ECHDC1: variants seen among roughly 807,000 people sequenced by gnomAD.
ECHDC1 encodes the protein ethylmalonyl-CoA decarboxylase.
A neutral mutation model predicts 29.7 loss-of-function variants in ECHDC1; 29 were observed. The observed-to-expected ratio is 0.98, with a 90% CI of 0.73 to 1.33. The LOEUF is 1.33. Among genes scored for constraint, ECHDC1 ranks in the 40% most tolerant of loss-of-function variants. The pLI, the probability that ECHDC1 is intolerant of heterozygous loss-of-function variation, is 0.00. For missense variants in ECHDC1, 328 were observed against 350.0 expected, an observed-to-expected ratio of 0.94 and a Z score of 0.50; for synonymous variants, 126 against 123.1, an observed-to-expected ratio of 1.02 and a Z score of -0.15.
At chr6:127,329,676 C>A in intron 2 of ECHDC1, 5 of 279,926 alleles carry the variant, frequency 1.8e-5, no homozygotes, top group Non-Finnish European at 3.5e-5. Flanking sequence ...AGAAAAATAC[C>A]TCATAATTGT....
rs184699363 is a variant in ECHDC1 at position 127,321,175 on chromosome 6, C to T, written c.364-4673G>A. ...TAATTGCTAAAATTGTCATATATTT[C>T]AGTTATCTCATCATCCTCAGAAAGC... On this transcript the variant is annotated intron_variant, in intron 3 of 5. Coordinates refer to ENST00000454859, the MANE Select transcript of ECHDC1 (RefSeq NM_001002030.2). Among the ~76,000 whole-genome samples the T allele has an allele frequency of 8.0e-4, 122 of 152,234 alleles. No homozygotes were observed. In the Middle Eastern group the frequency reaches 0.017, roughly 21 times the overall value.
At chr6:127,340,566 C>A (rs1458411738) in intron 1 of ECHDC1, among the ~76,000 whole-genome samples, 1 of 152,182 alleles carries the variant, frequency 6.6e-6, no homozygotes, top group Non-Finnish European at 1.5e-5. Context: ...ATATTCAGAG[C>A]CAAACATAGC....
chr6:127,338,233 C>A (rs547170168), intron 1 of ECHDC1, among the ~76,000 whole-genome samples: 1 of 152,098 alleles, frequency 6.6e-6, no homozygotes, highest in South Asian at 2.1e-4. Flanking sequence ...TAGTGATCAC[C>A]CCATTGTTAG....
chr6:127,301,760 C>G (rs982785539), intron 5 of ECHDC1, among the ~76,000 whole-genome samples: 13 of 152,188 alleles, frequency 8.5e-5, no homozygotes, highest in African/African-American at 2.9e-4. Flanking sequence ...TGTCAAATTT[C>G]TCTGGTCAAG....
Position 127,290,057 on chromosome 6 carries a change from G to A in ECHDC1, c.718C>T (p.Gln240Ter). The change falls in exon 6 of 6, where the codon CAA becomes TAA. Residue 240 changes from glutamine (Q) to a stop codon, truncating the protein, a stop_gained. Coordinates refer to ENST00000454859, the MANE Select transcript of ECHDC1 (RefSeq NM_001002030.2). LOFTEE classifies it high-confidence loss of function. Reference sequence around the variant, plus strand: ...TGGATGAATTGCTTTAGCCATTCTTGTGCCTCTTCTAGAGATTTAGTTTCA... The same window carrying A: ...TGGATGAATTGCTTTAGCCATTCTTATGCCTCTTCTAGAGATTTAGTTTCA... ...SDETKSLEEA[Q>*]EWLKQFIQGP... The A allele has an allele frequency of 1.9e-6, 3 of 1,613,638 alleles. No homozygotes were observed. The highest frequency in any genetic ancestry group is 2.5e-6 in the Non-Finnish European group (3 of 1,179,748).
At chr6:127,290,937 C>T (rs966026410) in intron 5 of ECHDC1, among the ~76,000 whole-genome samples, 6 of 151,922 alleles carry the variant, frequency 3.9e-5, no homozygotes, top group Non-Finnish European at 8.8e-5. Flanking sequence ...GTGCTATTTT[C>T]GATGAAGAAG....
At chr6:127,310,327 C>CT (rs1396525051) in intron 5 of ECHDC1, among the ~76,000 whole-genome samples, 2 of 151,836 alleles carry the variant, frequency 1.3e-5, no homozygotes, top group African/African-American at 2.4e-5. Flanking sequence ...TATTGCATGC[C>CT]TGTAGCAAAA....
At chr6:127,302,430 G>A (rs1020637570) in intron 5 of ECHDC1, among the ~76,000 whole-genome samples, 12 of 151,022 alleles carry the variant, frequency 7.9e-5, no homozygotes, top group Admixed American at 1.3e-4. Flanking sequence ...ACAGAGTCTC[G>A]CTCTTGTTGC....
At chr6:127,336,065 A>C (rs1784401656) in intron 1 of ECHDC1, among the ~76,000 whole-genome samples, 1 of 152,118 alleles carries the variant, frequency 6.6e-6, no homozygotes, top group African/African-American at 2.4e-5. Context: ...AGTTAATTCA[A>C]GGTACCCTGC....
intron 5 of ECHDC1, among the ~76,000 whole-genome samples, chr6:127,297,349 G>T (rs1200641806): frequency 6.6e-6 from 1 of 152,062 alleles, no homozygotes; most frequent in African/African-American, 2.4e-5. Flanking sequence ...ATAAAATAAG[G>T]CTGGAAACAA....
chr6:127,312,718 T>C (rs964140312), intron 5 of ECHDC1, among the ~76,000 whole-genome samples: 11 of 152,216 alleles, frequency 7.2e-5, no homozygotes, highest in African/African-American at 2.7e-4. Context: ...CTGTGCTATA[T>C]AGGCATAGAA....
chr6:127,342,472 A>G, intron 1 of ECHDC1: 1 of 1,300,788 alleles, frequency 7.7e-7, no homozygotes, highest in Non-Finnish European at 1.0e-6. Flanking sequence ...ATAAAAAATC[A>G]AGAAAGGATC....
chr6:127,289,688 C>T lies in ECHDC1; in HGVS notation c.*181G>A. The T allele has an allele frequency of 1.6e-6, 1 of 626,866 alleles. No individual in the cohort carries two copies. Among genetic ancestry groups the T allele is most frequent in the South Asian group, 2.9e-5 (1 of 34,830 alleles). 38.8% of individuals were successfully genotyped at this position (626,866 alleles called of 1,614,324 possible). A position where few individuals can be genotyped will look rare whatever the true frequency, so the allele number is the denominator to read the frequency against. ...ATGTTCCAGATTACGCAGTAAATAC[C>T]CAAGTGAGTAATTGGCAAGAAATGA... On this transcript the variant is annotated 3_prime_UTR_variant, in exon 6 of 6. Transcript: ENST00000454859.
intron 3 of ECHDC1, 113 bp downstream of exon 3, chr6:127,326,889 T>A: frequency 7.9e-7 from 1 of 1,268,520 alleles, no homozygotes; most frequent in Non-Finnish European, 1.1e-6. Context: ...AAAATCCCCA[T>A]AATCCTTTGA....
intron 4 of ECHDC1, 110 bp downstream of exon 4, chr6:127,316,340 G>T: frequency 1.2e-6 from 1 of 863,208 alleles, no homozygotes; most frequent in Non-Finnish European, 1.8e-6. Flanking sequence ...CATTAGAATA[G>T]ATGTAATTTG....
chr6:127,308,545 A>G (rs1781630291), intron 5 of ECHDC1, among the ~76,000 whole-genome samples: 1 of 152,214 alleles, frequency 6.6e-6, no homozygotes, highest in Admixed American at 6.5e-5. Flanking sequence ...TTCAGTTAGT[A>G]TCATACTGAA....
At chr6:127,325,582 C>T (rs546709786) in intron 3 of ECHDC1, among the ~76,000 whole-genome samples, 1 of 152,056 alleles carries the variant, frequency 6.6e-6, no homozygotes, top group Non-Finnish European at 1.5e-5. Flanking sequence ...TCCTCCCACC[C>T]CTTTTATTAT....
intron 4 of ECHDC1, chr6:127,315,995 T>C: frequency 2.1e-6 from 1 of 470,836 alleles, no homozygotes; most frequent in Non-Finnish European, 4.4e-6. Context: ...AGTCAATTCA[T>C]ATTCCTCAGA....
intron 1 of ECHDC1, chr6:127,341,542 G>A (rs1784945450): frequency 6.6e-6 from 1 of 152,088 alleles, no homozygotes; most frequent in South Asian, 2.1e-4. Flanking sequence ...AGCTTTCTTC[G>A]GGGTAAAACT....
Sources: allele counts gnomAD v4.1 joint callset (sites outside exome capture counted in the v4.1 genomes callset), GRCh38; gene constraint gnomAD v4.1.1; transcripts MANE v1.5; gene names NCBI Gene and HGNC (gene_info 2026-07-23, HGNC 2026-07-21).